SH3BGRL: variants seen among roughly 807,000 people sequenced by gnomAD.
The protein encoded by SH3BGRL is adapter SH3BGRL.
SH3BGRL carries 7 observed loss-of-function variants against 9.8 expected under a neutral mutation model. The observed-to-expected ratio is 0.72, with a 90% CI of 0.41 to 1.35. The LOEUF is 1.35. Ranked by LOEUF, SH3BGRL falls within the 40% of genes most tolerant of loss-of-function variation. The probability of loss-of-function intolerance (pLI) is 0.01; values close to 1 mark genes in which losing one functional copy is unlikely to be tolerated. For synonymous variants in SH3BGRL, 36 were observed against 29.1 expected, an observed-to-expected ratio of 1.24 and a Z score of -0.76; for missense variants, 73 against 84.4, an observed-to-expected ratio of 0.86 and a Z score of 0.53.
chrX:81,262,663 T>C (rs1193743270), intron 1 of SH3BGRL, among the ~76,000 whole-genome samples: 1 of 112,040 alleles, frequency 8.9e-6, no homozygotes, highest in Admixed American at 9.5e-5. Context: ...CATACCAATG[T>C]TGGCTTCTTA....
At chrX:81,246,202 T>C (rs760200274) in intron 1 of SH3BGRL, among the ~76,000 whole-genome samples, 12 of 112,161 alleles carry the variant, frequency 1.1e-4, no homozygotes, top group Non-Finnish European at 1.9e-4. Flanking sequence ...TCCTTATAGA[T>C]TCTGGATATT....
intron 1 of SH3BGRL, among the ~76,000 whole-genome samples, chrX:81,254,399 G>T (rs1050128416): frequency 9.0e-6 from 1 of 111,630 alleles, no homozygotes; most frequent in Non-Finnish European, 1.9e-5. Flanking sequence ...ATGTTCATCT[G>T]GGGCACACCG....
chrX:81,278,825 A>G (rs2075806735), intron 3 of SH3BGRL, among the ~76,000 whole-genome samples: 1 of 112,120 alleles, frequency 8.9e-6, no homozygotes, highest in Non-Finnish European at 1.9e-5. Flanking sequence ...TCATCCATTC[A>G]AGTTAATTAA....
intron 1 of SH3BGRL, among the ~76,000 whole-genome samples, chrX:81,224,710 T>G (rs746988120): frequency 1.5e-3 from 171 of 111,991 alleles, no homozygotes; most frequent in African/African-American, 5.5e-3. Context: ...TACAAAAAGT[T>G]TATTTTGAGC....
intron 3 of SH3BGRL, among the ~76,000 whole-genome samples, chrX:81,292,389 C>G (rs1653135251): frequency 9.0e-6 from 1 of 111,525 alleles, no homozygotes; most frequent in Non-Finnish European, 1.9e-5. Context: ...ATGGTTGTAG[C>G]TGGAGTGGCT....
chrX:81,260,968 C>T (rs922932948), intron 1 of SH3BGRL, among the ~76,000 whole-genome samples: 12 of 110,118 alleles, frequency 1.1e-4, no homozygotes, highest in African/African-American at 3.9e-4. Flanking sequence ...TGTACATACT[C>T]ATTTGGATAA....
chrX:81,211,437 A>C (rs1003246781), intron 1 of SH3BGRL, among the ~76,000 whole-genome samples: 37 of 111,216 alleles, frequency 3.3e-4, no homozygotes, highest in Non-Finnish European at 5.1e-4. Flanking sequence ...TACAAAAAAA[A>C]TTAGCCGGGC....
At chrX:81,231,707 A>G (rs1197658146) in intron 1 of SH3BGRL, among the ~76,000 whole-genome samples, 3 of 111,993 alleles carry the variant, frequency 2.7e-5, no homozygotes, top group South Asian at 3.7e-4. Flanking sequence ...TATAGTGGCA[A>G]TAATTCTAAG....
At chrX:81,249,456 C>T (rs1227513458) in intron 1 of SH3BGRL, among the ~76,000 whole-genome samples, 1 of 112,469 alleles carries the variant, frequency 8.9e-6, no homozygotes, top group Non-Finnish European at 1.9e-5. Flanking sequence ...ATTTTCCTCA[C>T]TGTTTTCCTT....
intron 3 of SH3BGRL, among the ~76,000 whole-genome samples, chrX:81,280,900 A>G (rs1371431501): frequency 9.0e-6 from 1 of 111,625 alleles, no homozygotes; most frequent in Non-Finnish European, 1.9e-5. Context: ...GGCAAAGCCC[A>G]ATGCAAGGAA....
intron 1 of SH3BGRL, among the ~76,000 whole-genome samples, chrX:81,244,031 T>A (rs2075680300): frequency 8.9e-6 from 1 of 112,147 alleles, no homozygotes; most frequent in Non-Finnish European, 1.9e-5. Flanking sequence ...GCTTACCACA[T>A]GTCAGATGTT....
chrX:81,211,322 C>T (rs1309094694), intron 1 of SH3BGRL, among the ~76,000 whole-genome samples: 5 of 111,908 alleles, frequency 4.5e-5, no homozygotes, highest in South Asian at 7.4e-4. Flanking sequence ...CGGTGGCTCA[C>T]GCCTGTAATC....
chrX:81,210,686 A>G (rs1174031758), intron 1 of SH3BGRL, among the ~76,000 whole-genome samples: 16 of 111,759 alleles, frequency 1.4e-4, no homozygotes, highest in African/African-American at 4.6e-4. Context: ...GCCCTATGCT[A>G]TTCTTCCCAC....
At chrX:81,259,386 A>G (rs1219846227) in intron 1 of SH3BGRL, among the ~76,000 whole-genome samples, 1 of 111,782 alleles carries the variant, frequency 8.9e-6, no homozygotes, top group African/African-American at 3.2e-5. Flanking sequence ...TGGTCCTTAT[A>G]ACTAGTCAGA....
At chrX:81,263,484 G>T (rs992548917) in intron 1 of SH3BGRL, among the ~76,000 whole-genome samples, 1 of 111,773 alleles carries the variant, frequency 8.9e-6, no homozygotes, top group African/African-American at 3.3e-5. Flanking sequence ...ATGTGGGGAC[G>T]ATTTCACCTG....
rs1183704757 is a variant in SH3BGRL, at chrX:81,218,777, A to G, written c.45+16532A>G. Among the ~76,000 whole-genome samples the G allele has an allele frequency of 4.2e-5, 4 of 95,488 alleles. No homozygotes were observed. The Admixed American group carries it at 4.7e-4, about 11-fold the overall frequency. The allele number at this position is 95,488 out of a possible 115,157, so 82.9% of individuals were successfully genotyped here. On this transcript the variant is annotated intron_variant, in intron 1 of 3. Coordinates refer to ENST00000373212, the MANE Select transcript of SH3BGRL (RefSeq NM_003022.3). ...TATATAGATATAGATATATATACAC[A>G]TATATATCTGTATGTATATATAGAT...
intron 1 of SH3BGRL, among the ~76,000 whole-genome samples, chrX:81,253,222 A>T (rs1228881917): frequency 8.9e-6 from 1 of 112,544 alleles, no homozygotes; most frequent in Non-Finnish European, 1.9e-5. Flanking sequence ...TGTAATGTGG[A>T]TCACAATAAT....
chrX:81,233,710 T>C (rs1479805680), intron 1 of SH3BGRL, among the ~76,000 whole-genome samples: 2 of 110,418 alleles, frequency 1.8e-5, no homozygotes, highest in Non-Finnish European at 1.9e-5. Context: ...GTAGGTGTTA[T>C]TATGCCCATT....
intron 1 of SH3BGRL, among the ~76,000 whole-genome samples, chrX:81,208,825 G>T (rs768338722): frequency 9.0e-6 from 1 of 110,975 alleles, no homozygotes; most frequent in South Asian, 3.8e-4. Context: ...TTCTAGCCCA[G>T]GTCTTGCCTG....
Sources: allele counts gnomAD v4.1 joint callset (sites outside exome capture counted in the v4.1 genomes callset), GRCh38; gene constraint gnomAD v4.1.1; transcripts MANE v1.5; gene names NCBI Gene and HGNC (gene_info 2026-07-23, HGNC 2026-07-21).